HSPA14: variants seen among roughly 807,000 people sequenced by gnomAD.
HSPA14 encodes heat shock protein family A (Hsp70) member 14, also known as heat shock 70 kDa protein 14.
Under a neutral mutation model 65.5 loss-of-function variants are expected in HSPA14, and 37 were observed. That is an observed-to-expected ratio of 0.56 (90% CI 0.43 to 0.74). The LOEUF (loss-of-function observed/expected upper bound fraction) is 0.74. HSPA14 is among the 30% of genes least tolerant of loss of function. The pLI, the probability that HSPA14 is intolerant of heterozygous loss-of-function variation, is 0.00. For missense variants in HSPA14, 564 were observed against 607.6 expected, an observed-to-expected ratio of 0.93 and a Z score of 0.75; for synonymous variants, 203 against 214.2, an observed-to-expected ratio of 0.95 and a Z score of 0.46.
intron 10 of HSPA14, among the ~76,000 whole-genome samples, chr10:14,864,056 T>C (rs1832780393): frequency 6.6e-6 from 1 of 151,820 alleles, no homozygotes; most frequent in South Asian, 2.1e-4. Context: ...ATCTTGGATT[T>C]CCCAAAACAA....
At position 14,871,634 on chromosome 10, in the gene HSPA14, AAAC is replaced by A. The variant is rs760201203; in HGVS notation, c.*31_*33del. ...TTTTAGAGAAATCAAGAATTTTTAA[AAAC>A]AAGAATATCAACATTTGGTTTTGTG... On this transcript the variant is annotated 3_prime_UTR_variant, in exon 14 of 14. Transcript: ENST00000378372. The A allele has an allele frequency of 1.7e-6, 2 of 1,210,878 alleles. No homozygotes were observed. Among genetic ancestry groups the A allele is most frequent in the East Asian group, 4.7e-5 (2 of 42,656 alleles). 75.0% of individuals were successfully genotyped at this position (1,210,878 alleles called of 1,614,324 possible).
chr10:14,865,625 G>C (rs1832800034), intron 10 of HSPA14, among the ~76,000 whole-genome samples: 2 of 152,184 alleles, frequency 1.3e-5, no homozygotes, highest in Admixed American at 6.5e-5. Flanking sequence ...TCAAAGATCA[G>C]ATAGTTGTAG....
intron 3 of HSPA14, chr10:14,843,553 A>T: frequency 6.4e-7 from 1 of 1,550,622 alleles, no homozygotes; most frequent in Non-Finnish European, 8.7e-7. Flanking sequence ...CTCCTCTTCG[A>T]GAGCTGGTTT....
At chr10:14,867,029 G>A (rs527939734) in intron 10 of HSPA14, 54 bp from the exon 11 acceptor site, 95 of 1,312,404 alleles carry the variant, frequency 7.2e-5, no homozygotes, top group Non-Finnish European at 9.7e-5. Flanking sequence ...ACTTAATTTT[G>A]AGACACAGCA....
chr10:14,840,381 C>G (rs557003066), intron 3 of HSPA14, among the ~76,000 whole-genome samples: 1 of 152,196 alleles, frequency 6.6e-6, no homozygotes, highest in African/African-American at 2.4e-5. Flanking sequence ...GCTGACAGGT[C>G]AATTTGGTAA....
intron 9 of HSPA14, among the ~76,000 whole-genome samples, chr10:14,854,717 T>G (rs916834229): frequency 2.6e-5 from 4 of 152,224 alleles, no homozygotes; most frequent in African/African-American, 9.6e-5. Context: ...TGACTGTATT[T>G]GGTTAAATTC....
chr10:14,841,245 C>G (rs1833967864), intron 3 of HSPA14: 1 of 152,100 alleles, frequency 6.6e-6, no homozygotes, highest in Non-Finnish European at 1.5e-5. Flanking sequence ...ATCCCCATAT[C>G]CTTTTACCTA....
chr10:14,841,823 G>A (rs1833975089), intron 3 of HSPA14, among the ~76,000 whole-genome samples: 1 of 152,186 alleles, frequency 6.6e-6, no homozygotes, highest in Admixed American at 6.5e-5. Flanking sequence ...GTCATGCTTG[G>A]ACTCCTTTAG....
At chr10:14,862,264 G>A (rs1239932505) in intron 10 of HSPA14, among the ~76,000 whole-genome samples, 1 of 151,590 alleles carries the variant, frequency 6.6e-6, no homozygotes, top group Non-Finnish European at 1.5e-5. Context: ...TCCTGACCTC[G>A]TGATCCGCCT....
rs1833987006 is a variant in HSPA14, at chr10:14,842,503, T to G, written c.221+2346T>G. On this transcript the variant is annotated intron_variant, in intron 3 of 13. Coordinates refer to ENST00000378372, the MANE Select transcript of HSPA14 (RefSeq NM_016299.4). This position sits in a 1 kb window ranked among gnomAD's most constrained non-coding sequence, Gnocchi z 5.2. ...AGTTTAAAGTTCTGAAGGCATTATATTTAAAGGCCTATGTTGCCCATGCCA... is the reference window on the plus strand; with the variant it reads ...AGTTTAAAGTTCTGAAGGCATTATAGTTAAAGGCCTATGTTGCCCATGCCA... The G allele has an allele frequency of 6.5e-7, 1 of 1,536,150 alleles. No individual in the cohort carries two copies. Among genetic ancestry groups the G allele is most frequent in the East Asian group, 2.4e-5 (1 of 40,918 alleles).
At chr10:14,839,509 G>A (rs1394531938) in intron 1 of HSPA14, among the ~76,000 whole-genome samples, 1 of 151,062 alleles carries the variant, frequency 6.6e-6, no homozygotes, top group East Asian at 1.9e-4. Flanking sequence ...AAGTTGCAGT[G>A]AGCCGAGATC....
intron 9 of HSPA14, among the ~76,000 whole-genome samples, chr10:14,854,611 A>C (rs1564323432): frequency 6.6e-6 from 1 of 152,230 alleles, no homozygotes; most frequent in Non-Finnish European, 1.5e-5. Context: ...AATAATAATG[A>C]TACGGCCTAT....
chr10:14,846,210 A>G (rs1834050648), intron 3 of HSPA14: 1 of 985,116 alleles, frequency 1.0e-6, no homozygotes, highest in African/African-American at 1.7e-5. Context: ...ATATGGAAAG[A>G]TATGTGTCAA....
At chr10:14,861,520 A>C (rs1345372483) in intron 10 of HSPA14, among the ~76,000 whole-genome samples, 1 of 152,042 alleles carries the variant, frequency 6.6e-6, no homozygotes, top group African/African-American at 2.4e-5. Flanking sequence ...TATGTTGTCT[A>C]GGCTGGTCTC....
At chr10:14,853,734 T>C (rs1296696201) in intron 8 of HSPA14, among the ~76,000 whole-genome samples, 1 of 151,550 alleles carries the variant, frequency 6.6e-6, no homozygotes, top group East Asian at 1.9e-4. Flanking sequence ...ATTTATTTAT[T>C]TTGAGACAGA....
chr10:14,840,042 A>G lies in HSPA14; in HGVS notation c.139-33A>G, dbSNP rs760362750. ...ATAATTTAAAATTACATACATTGTAATATATATATATATATATTATTTTTT... is the reference window on the plus strand; with the variant it reads ...ATAATTTAAAATTACATACATTGTAGTATATATATATATATATTATTTTTT... On this transcript the variant is annotated intron_variant, in intron 2 of 13. Transcript: ENST00000378372. The G allele has an allele frequency of 2.0e-5, 11 of 549,730 alleles. No homozygotes were observed. In the South Asian group the frequency reaches 8.1e-4, roughly 41 times the overall value. The allele number at this position is 549,730 out of a possible 1,614,324, so 34.1% of individuals were successfully genotyped here.
At position 14,842,765 on chromosome 10, in the gene HSPA14, G is replaced by A. The variant is rs1410392818; in HGVS notation, c.221+2608G>A. 6.5e-7 allele frequency: 1 copy of A among 1,536,416 alleles called. No homozygotes were observed. Among genetic ancestry groups the A allele is most frequent in the Non-Finnish European group, 8.7e-7 (1 of 1,146,998 alleles). ...CTTGAAAACAGTTAAGGCATCAGAT[G>A]AGGATTGTCAGCTAAGAATCAGTGA... On this transcript the variant is annotated intron_variant, in intron 3 of 13. Coordinates refer to ENST00000378372, the MANE Select transcript of HSPA14 (RefSeq NM_016299.4). This position sits in a 1 kb window ranked among gnomAD's most constrained non-coding sequence, Gnocchi z 5.2.
At chr10:14,846,175 T>C (rs974498234) in intron 3 of HSPA14, 4 of 984,796 alleles carry the variant, frequency 4.1e-6, no homozygotes, top group Admixed American at 6.1e-5. Context: ...ACAGCTATAT[T>C]CATTCTCAAT....
chr10:14,868,193 T>C (rs1190755412), intron 12 of HSPA14, among the ~76,000 whole-genome samples: 1 of 152,158 alleles, frequency 6.6e-6, no homozygotes, highest in Admixed American at 6.5e-5. Context: ...ATGGGAGAAT[T>C]ATATTTTTTG....
Sources: allele counts gnomAD v4.1 joint callset (sites outside exome capture counted in the v4.1 genomes callset), GRCh38; gene constraint gnomAD v4.1.1; non-coding constraint Gnocchi (gnomAD v3.1); transcripts MANE v1.5; gene names NCBI Gene and HGNC (gene_info 2026-07-23, HGNC 2026-07-21).